CADPS: variants seen among roughly 807,000 people sequenced by gnomAD.
CADPS encodes the protein calcium dependent secretion activator.
A neutral mutation model predicts 167.3 loss-of-function variants in CADPS; 57 were observed. The ratio of observed to expected loss-of-function variants is 0.34; its 90% confidence interval spans 0.28 to 0.42. CADPS has a LOEUF of 0.42. Ranked by LOEUF, CADPS falls within the 20% of genes least tolerant of loss-of-function variation. CADPS has a pLI of 1.00. For missense variants in CADPS, 1,414 were observed against 1,738.1 expected (o/e 0.81, Z 3.32); for synonymous variants, 676 against 635.3 (o/e 1.06, Z -0.96).
chr3:62,760,859 C>T (rs2085232300), intron 2 of CADPS, among the ~76,000 whole-genome samples: 1 of 152,136 alleles, frequency 6.6e-6, no homozygotes, highest in African/African-American at 2.4e-5. Context: ...TTTAGCCTGC[C>T]AACTGTTCTT....
chr3:62,740,294 A>T (rs1272282438), intron 3 of CADPS, among the ~76,000 whole-genome samples: 1 of 152,222 alleles, frequency 6.6e-6, no homozygotes, highest in East Asian at 1.9e-4. Context: ...GCACAAGCAC[A>T]TCTCAAGACC....
intron 3 of CADPS, among the ~76,000 whole-genome samples, chr3:62,745,262 G>A (rs144563443): frequency 5.9e-5 from 9 of 152,092 alleles, no homozygotes; most frequent in Admixed American, 2.0e-4. Context: ...TTGTAGAGAC[G>A]GCATTTCACC....
At chr3:62,474,140 A>G in intron 24 of CADPS, 33 bp downstream of exon 24, 1 of 934,716 alleles carries the variant, frequency 1.1e-6, no homozygotes, top group South Asian at 1.8e-5. Flanking sequence ...TGAAGAGGGA[A>G]AAAAAAATCT....
At chr3:62,648,441 G>T (rs2069096815) in intron 5 of CADPS, among the ~76,000 whole-genome samples, 1 of 151,830 alleles carries the variant, frequency 6.6e-6, no homozygotes, top group Admixed American at 6.6e-5. Context: ...CAGCATTTTG[G>T]GGGGCTTAGG....
At chr3:62,513,932 G>A (rs1577063538) in intron 16 of CADPS, among the ~76,000 whole-genome samples, 1 of 151,906 alleles carries the variant, frequency 6.6e-6, no homozygotes, top group African/African-American at 2.4e-5. Flanking sequence ...GATTTTACAC[G>A]TCTCTTTAGA....
intron 1 of CADPS, among the ~76,000 whole-genome samples, chr3:62,859,653 G>C (rs1441259514): frequency 1.4e-4 from 22 of 151,836 alleles, no homozygotes; most frequent in Non-Finnish European, 3.1e-4. Flanking sequence ...ACAGTAGAAA[G>C]AAATCCTTTT....
At position 62,429,234 on chromosome 3, in the gene CADPS, A is replaced by T. The variant is rs149921497; in HGVS notation, c.3777+8870T>A. Among the ~76,000 whole-genome samples the T allele has an allele frequency of 4.5e-3, 690 of 152,278 alleles. 6 individuals are homozygous for T. Among genetic ancestry groups the T allele is most frequent in the African/African-American group, 0.015 (643 of 41,548 alleles). On this transcript the variant is annotated intron_variant, in intron 28 of 29. Transcript: ENST00000383710. Reference sequence around the variant, plus strand: ...TAATTGATCTTGCCCACTATGTGCCAAACTTTTATGTGCACTTGAATCAAA... The same window carrying T: ...TAATTGATCTTGCCCACTATGTGCCTAACTTTTATGTGCACTTGAATCAAA...
At position 62,668,105 on chromosome 3, in the gene CADPS, A is replaced by G. The variant is rs564678315; in HGVS notation, c.889-5711T>C. Among the ~76,000 whole-genome samples the G allele has an allele frequency of 6.6e-5, 10 of 152,344 alleles. No individual in the cohort carries two copies. The East Asian group carries it at 1.7e-3, about 26-fold the overall frequency. On this transcript the variant is annotated intron_variant, in intron 3 of 29. Transcript: ENST00000383710. ...TTCCAAAGTCATCAGTGTCGCTGCC[A>G]AGAGGCAGCCTTCAGTCAACCAAAG...
chr3:62,867,470 G>A (rs1001271107), intron 1 of CADPS, among the ~76,000 whole-genome samples: 9 of 151,970 alleles, frequency 5.9e-5, no homozygotes, highest in African/African-American at 2.2e-4. Context: ...CCAGACAAAT[G>A]GGTCCCTGTT....
intron 28 of CADPS, among the ~76,000 whole-genome samples, chr3:62,428,222 G>A (rs2053157426): frequency 7.0e-6 from 1 of 142,010 alleles, no homozygotes; most frequent in African/African-American, 2.7e-5. Context: ...AATGAATGAA[G>A]TATTTAAGTT....
In CADPS at chr3:62,478,874, G is replaced by C. The variant is rs941865429; in HGVS notation, c.3174-458C>G. Among the ~76,000 whole-genome samples the C allele has an allele frequency of 6.6e-5, 10 of 152,164 alleles. No individual in the cohort carries two copies. Among genetic ancestry groups the C allele is most frequent in the African/African-American group, 2.4e-4 (10 of 41,440 alleles). On this transcript the variant is annotated intron_variant, in intron 22 of 29. Coordinates refer to ENST00000383710, the MANE Select transcript of CADPS (RefSeq NM_003716.4). This position sits in a 1 kb window ranked among gnomAD's most constrained non-coding sequence, Gnocchi z 5.7. ...TGGAGACCTCTTGGAGATTGCACAA[G>C]ACTTTTCGTTTTCAAAGGACAGTGC... is the stretch of plus-strand genomic sequence containing the variant.
chr3:62,779,124 G>A (rs1255816761), intron 1 of CADPS: 1 of 175,126 alleles, frequency 5.7e-6, no homozygotes, highest in Non-Finnish European at 1.4e-5. Context: ...CTGACCTCAG[G>A]TGATCCGCCT....
At chr3:62,512,850 A>C (rs577651093) in intron 16 of CADPS, 82 bp from the exon 17 acceptor site, 1 of 1,185,304 alleles carries the variant, frequency 8.4e-7, no homozygotes, top group Non-Finnish European at 1.2e-6. Flanking sequence ...AAGTGGACCA[A>C]AATGCCCCCC....
chr3:62,422,933 A>G (rs1199132949), intron 28 of CADPS, among the ~76,000 whole-genome samples: 1 of 152,152 alleles, frequency 6.6e-6, no homozygotes, highest in Non-Finnish European at 1.5e-5. Flanking sequence ...CCATTTATTA[A>G]CTGTCTGGGA....
chr3:62,423,480 T>G (rs1402733775), intron 28 of CADPS, among the ~76,000 whole-genome samples: 1 of 152,226 alleles, frequency 6.6e-6, no homozygotes, highest in African/African-American at 2.4e-5. Context: ...CACATAGCAC[T>G]CAGTATAGTG....
chr3:62,825,609 G>C (rs1210548104), intron 1 of CADPS, among the ~76,000 whole-genome samples: 1 of 152,134 alleles, frequency 6.6e-6, no homozygotes, highest in Non-Finnish European at 1.5e-5. Context: ...GGCTCAAAAG[G>C]TAAGGCCATT....
intron 21 of CADPS, among the ~76,000 whole-genome samples, chr3:62,490,499 T>C (rs1252090191): frequency 6.6e-6 from 1 of 152,186 alleles, no homozygotes; most frequent in Non-Finnish European, 1.5e-5. Flanking sequence ...GGAATGGAGA[T>C]GGCACCAAGC....
At chr3:62,661,170 TCAA>T (rs1265039627) in intron 4 of CADPS, among the ~76,000 whole-genome samples, 1 of 151,900 alleles carries the variant, frequency 6.6e-6, no homozygotes, top group African/African-American at 2.4e-5. Flanking sequence ...GCTGTAGTCA[TCAA>T]CAGTAAGACA....
At chr3:62,721,699 T>C (rs2075865512) in intron 3 of CADPS, among the ~76,000 whole-genome samples, 2 of 152,246 alleles carry the variant, frequency 1.3e-5, no homozygotes, top group African/African-American at 2.4e-5. Flanking sequence ...AAATAATTTA[T>C]ATGACAATAA....
Sources: allele counts gnomAD v4.1 joint callset (sites outside exome capture counted in the v4.1 genomes callset), GRCh38; gene constraint gnomAD v4.1.1; non-coding constraint Gnocchi (gnomAD v3.1); transcripts MANE v1.5; gene names NCBI Gene and HGNC (gene_info 2026-07-23, HGNC 2026-07-21).